Variants in NPSR1 observed in about 807,000 individuals in gnomAD.
The protein encoded by NPSR1 is neuropeptide S receptor 1, also known as neuropeptide S receptor.
In NPSR1, 48 loss-of-function variants were observed where a neutral mutation model predicts 46.9. The ratio of observed to expected loss-of-function variants is 1.02; its 90% CI spans 0.81 to 1.30. NPSR1 has a LOEUF of 1.30. Ranked by LOEUF, NPSR1 falls within the 50% of genes most tolerant of loss-of-function variation. The pLI, the probability that NPSR1 is intolerant of heterozygous loss-of-function variation, is 0.00. For synonymous variants in NPSR1, 176 were observed against 168.1 expected (o/e 1.05, Z -0.36); for missense variants, 450 against 449.5 (o/e 1.00, Z -0.01).
chr7:34,790,697 T>C (rs1032891184), intron 3 of NPSR1, among the ~76,000 whole-genome samples: 1 of 140,194 alleles, frequency 7.1e-6, no homozygotes, highest in Non-Finnish European at 1.5e-5. Flanking sequence ...ATATATAATA[T>C]ATGTTCTATG....
intron 2 of NPSR1, among the ~76,000 whole-genome samples, chr7:34,707,082 T>G (rs1396854740): frequency 6.6e-6 from 1 of 152,254 alleles, no homozygotes; most frequent in African/African-American, 2.4e-5. Context: ...TTTTTCTTTC[T>G]TAGAAAAATT....
intron 3 of NPSR1, among the ~76,000 whole-genome samples, chr7:34,802,868 A>G (rs1324548194): frequency 6.6e-6 from 1 of 150,512 alleles, no homozygotes; most frequent in Non-Finnish European, 1.5e-5. Flanking sequence ...ACAAATTTAC[A>G]AGAAAAAAAC....
chr7:34,820,030 C>A (rs984537766), intron 4 of NPSR1, among the ~76,000 whole-genome samples: 1 of 152,152 alleles, frequency 6.6e-6, no homozygotes, highest in Non-Finnish European at 1.5e-5. Flanking sequence ...TGTATCCAAC[C>A]TGCACATTGT....
chr7:34,728,247 G>A (rs1361708783), intron 2 of NPSR1, among the ~76,000 whole-genome samples: 1 of 152,024 alleles, frequency 6.6e-6, no homozygotes, highest in Non-Finnish European at 1.5e-5. Context: ...ACCAAGAGCT[G>A]GAAATAAAAG....
At chr7:34,764,864 C>CA (rs1282728890) in intron 2 of NPSR1, among the ~76,000 whole-genome samples, 1 of 152,100 alleles carries the variant, frequency 6.6e-6, no homozygotes, top group East Asian at 1.9e-4. Context: ...TACCCCACCC[C>CA]TAAGGCCCAG....
At chr7:34,863,385 C>T (rs1791235380) in intron 8 of NPSR1, among the ~76,000 whole-genome samples, 1 of 151,780 alleles carries the variant, frequency 6.6e-6, no homozygotes, top group South Asian at 2.1e-4. Context: ...TAAATGGGAT[C>T]TAATTAAACT....
intron 4 of NPSR1, among the ~76,000 whole-genome samples, chr7:34,815,156 G>A (rs186229514): frequency 6.6e-6 from 1 of 152,200 alleles, no homozygotes; most frequent in East Asian, 1.9e-4. Context: ...CCCATTGCAA[G>A]GAAGCTAAAA....
downstream of NPSR1, among the ~76,000 whole-genome samples, chr7:34,851,988 T>G (rs1790945388): frequency 6.6e-6 from 1 of 152,146 alleles, no homozygotes; most frequent in Non-Finnish European, 1.5e-5. Context: ...AGAAACATGA[T>G]TTAAGCATTA....
At position 34,778,455 on chromosome 7, in the gene NPSR1, T is replaced by C; in HGVS notation, c.281-7T>C. 6.5e-7 allele frequency: 1 copy of C among 1,542,918 alleles called. No individual in the cohort carries two copies. Among genetic ancestry groups the C allele is most frequent in the African/African-American group, 1.4e-5 (1 of 73,016 alleles). ...CCTGAATGTAAGCACTTGTACGTTTTTGTTAGATTCTTTCACAGGACTGGT... is the reference window on the plus strand; with the variant it reads ...CCTGAATGTAAGCACTTGTACGTTTCTGTTAGATTCTTTCACAGGACTGGT... On this transcript the variant is annotated splice_region_variant and splice_polypyrimidine_tract_variant and intron_variant, in intron 2 of 8. Transcript: ENST00000360581.
intron 2 of NPSR1, among the ~76,000 whole-genome samples, chr7:34,710,477 TC>T (rs1399678499): frequency 1.3e-5 from 2 of 152,206 alleles, no homozygotes; most frequent in African/African-American, 4.8e-5. Context: ...TAAATTGTAT[TC>T]TAAGAAGAGA....
Position 34,848,612 on chromosome 7 carries a change from T to C in NPSR1, c.974T>C (p.Ile325Thr), listed in dbSNP as rs868044302. 8 of 1,614,206 alleles carry C rather than the reference T, an allele frequency of 5.0e-6. No homozygotes were observed. Among genetic ancestry groups the C allele is most frequent in the African/African-American group, 2.7e-5 (2 of 75,066 alleles). The change falls in exon 8 of 9, where the codon ATC becomes ACC. Residue 325 changes from isoleucine (I) to threonine (T), a missense_variant. By Grantham distance (89) the Ile-to-Thr change is moderately conservative. Transcript: ENST00000360581. ...IQNLPALNSAINPLIYCVFSS... is the reference protein window; with the variant it reads ...IQNLPALNSATNPLIYCVFSS... The stretch of plus-strand genomic sequence containing the variant: ...AACCTGCCAGCATTGAATAGTGCCA[T>C]CAACCCCCTCATCTACTGTGTCTTC...
chr7:34,712,429 G>A (rs989020502), intron 2 of NPSR1, among the ~76,000 whole-genome samples: 3 of 152,156 alleles, frequency 2.0e-5, no homozygotes, highest in Admixed American at 2.0e-4. Context: ...TATGGAAGCT[G>A]GGTAATGAGC....
At chr7:34,792,675 G>A (rs376694115) in intron 3 of NPSR1, among the ~76,000 whole-genome samples, 2,936 of 79,338 alleles carry the variant, frequency 0.037, 111 homozygotes, top group Non-Finnish European at 0.056. Flanking sequence ...TTATATATAT[G>A]TATATATATA....
chr7:34,834,764 C>G (rs1790291027), intron 6 of NPSR1, among the ~76,000 whole-genome samples: 1 of 152,216 alleles, frequency 6.6e-6, no homozygotes, highest in Non-Finnish European at 1.5e-5. Flanking sequence ...AAAGAAGCAC[C>G]TTGGAGGACA....
intron 1 of NPSR1, among the ~76,000 whole-genome samples, chr7:34,667,683 T>C (rs1245959996): frequency 6.6e-6 from 1 of 152,144 alleles, no homozygotes; most frequent in Non-Finnish European, 1.5e-5. Context: ...AGGAATAAGA[T>C]GCAATCATAA....
chr7:34,774,194 T>C (rs1786831335), intron 2 of NPSR1, among the ~76,000 whole-genome samples: 1 of 152,204 alleles, frequency 6.6e-6, no homozygotes, highest in African/African-American at 2.4e-5. Context: ...TGATCATCTA[T>C]TTTTGCTTTA....
chr7:34,777,087 C>A (rs554252794), intron 2 of NPSR1, among the ~76,000 whole-genome samples: 1 of 152,260 alleles, frequency 6.6e-6, no homozygotes, highest in East Asian at 1.9e-4. Context: ...AAGCTGGTAT[C>A]TCAGTAGTCC....
intron 2 of NPSR1, among the ~76,000 whole-genome samples, chr7:34,762,576 A>G (rs1019078087): frequency 1.1e-4 from 17 of 152,308 alleles, no homozygotes; most frequent in Admixed American, 7.2e-4. Context: ...GACCTTTATC[A>G]ATATCAAAAA....
intron 2 of NPSR1, among the ~76,000 whole-genome samples, chr7:34,698,905 A>G (rs1169931432): frequency 6.6e-6 from 1 of 152,232 alleles, no homozygotes; most frequent in Non-Finnish European, 1.5e-5. Context: ...CTCAGAGACC[A>G]TAACAGTGAG....
Sources: allele counts gnomAD v4.1 joint callset (sites outside exome capture counted in the v4.1 genomes callset), GRCh38; gene constraint gnomAD v4.1.1; transcripts MANE v1.5; gene names NCBI Gene and HGNC (gene_info 2026-07-23, HGNC 2026-07-21).